TRIM14: variants seen among roughly 807,000 people sequenced by gnomAD.
The protein encoded by TRIM14 is tripartite motif-containing protein 14.
In TRIM14, 28 loss-of-function variants were observed where a neutral mutation model predicts 44.5. That is an observed-to-expected ratio of 0.63 (90% confidence interval 0.47 to 0.86). The LOEUF (loss-of-function observed/expected upper bound fraction) is 0.86. TRIM14 is among the 40% of genes least tolerant of loss of function. The pLI is 0.00. For missense variants in TRIM14, 607 were observed against 611.1 expected (o/e 0.99, Z 0.07); for synonymous variants, 299 against 269.2 (o/e 1.11, Z -1.08).
At chr9:98,084,080 C>T (rs1010671859), downstream of TRIM14, among the ~76,000 whole-genome samples, 2 of 152,138 alleles carry the variant, frequency 1.3e-5, no homozygotes, top group African/African-American at 4.8e-5. Flanking sequence ...GCAACATGAA[C>T]TGGAGGGAGC....
chr9:98,090,523 A>G (rs1193499036), intron 5 of TRIM14, among the ~76,000 whole-genome samples: 1 of 149,030 alleles, frequency 6.7e-6, no homozygotes, highest in Non-Finnish European at 1.5e-5. Flanking sequence ...TTAAAAAATC[A>G]TTGAGCTGAT....
chr9:98,098,313 G>A (rs1202899760), intron 3 of TRIM14, among the ~76,000 whole-genome samples: 1 of 152,174 alleles, frequency 6.6e-6, no homozygotes, highest in African/African-American at 2.4e-5. Context: ...AGGCAAAGAA[G>A]GAAACAGGAG....
downstream of TRIM14, among the ~76,000 whole-genome samples, chr9:98,083,705 C>T (rs75647162): frequency 2.0e-5 from 3 of 152,354 alleles, no homozygotes; most frequent in East Asian, 5.8e-4. Flanking sequence ...AGAGAACTTC[C>T]ATTCAGATGG....
At chr9:98,083,210 G>C, downstream of TRIM14, 4 of 707,762 alleles carry the variant, frequency 5.7e-6, no homozygotes, top group South Asian at 7.5e-5. Flanking sequence ...GCTAGGCCCT[G>C]TGTCAGCCCA....
Position 98,119,047 on chromosome 9 carries a change from G to C in TRIM14, c.142C>G (p.Pro48Ala). ...RCRRCVCALC[P>A]VLGAHRGHPV... ...TGGCCACGGTGCGCGCCCAGCACCG[G>C]GCAAAGCGCGCACACGCAGCGGCGG... Residue 48 changes from proline to alanine, a missense_variant, in exon 1 of 6, where the codon CCG (proline) becomes GCG (alanine). Transcript: ENST00000341469. 1 of 1,578,954 alleles carries C rather than the reference G, an allele frequency of 6.3e-7. No homozygotes were observed. Among genetic ancestry groups the C allele is most frequent in the Non-Finnish European group, 8.5e-7 (1 of 1,172,176 alleles).
At chr9:98,113,250 T>C (rs1008021816) in intron 1 of TRIM14, among the ~76,000 whole-genome samples, 1 of 152,150 alleles carries the variant, frequency 6.6e-6, no homozygotes, top group Non-Finnish European at 1.5e-5. Flanking sequence ...TATCAGAGCA[T>C]TGATCTGCTC....
chr9:98,112,650 T>C (rs1826892861), intron 1 of TRIM14, among the ~76,000 whole-genome samples: 1 of 150,680 alleles, frequency 6.6e-6, no homozygotes. Flanking sequence ...AATACAAAAA[T>C]TAGCCAGGTG....
downstream of TRIM14, chr9:98,080,976 A>G: frequency 3.1e-6 from 5 of 1,614,156 alleles, no homozygotes; most frequent in Non-Finnish European, 4.2e-6. Context: ...GCCTCGCTGG[A>G]GCCTGGAGAA....
chr9:98,082,719 G>A (rs767790784), downstream of TRIM14: 21 of 758,322 alleles, frequency 2.8e-5, no homozygotes, highest in African/African-American at 5.2e-5. Flanking sequence ...CAGTGTAGGG[G>A]GCAACAGAGT....
At chr9:98,037,077 G>T in the TRIM14 span, among the ~76,000 whole-genome samples, 2 of 151,898 alleles carry the variant, frequency 1.3e-5, no homozygotes, top group African/African-American at 4.8e-5. Flanking sequence ...CATAAAGGGT[G>T]AGAAGTGGGC....
In TRIM14 at chr9:98,087,631, G is replaced by C. The variant is rs773217259; in HGVS notation, c.1168C>G (p.Arg390Gly). 6.2e-7 allele frequency: 1 copy of C among 1,604,794 alleles called. No individual in the cohort carries two copies. Among genetic ancestry groups the C allele is most frequent in the Non-Finnish European group, 8.5e-7 (1 of 1,178,492 alleles). Residue 390 changes from arginine to glycine, a missense_variant, in exon 6 of 6, where the codon CGG becomes GGG. This residue lies in a region of TRIM14 where 356 missense variants were observed against 323.0 expected (regional missense o/e 1.10). Transcript: ENST00000341469. ...SRLRPRDDLD[R>G]LGVFLDYEAG... is the part of the protein sequence containing the mutation. ...TCGTAGTCCAGGAAGACGCCGAGCC[G>C]GTCGAGGTCGTCGCGGGGCCGCAGG... is the stretch of plus-strand genomic sequence containing the variant.
chr9:98,102,659 G>A (rs975541814), intron 2 of TRIM14, among the ~76,000 whole-genome samples: 1 of 152,144 alleles, frequency 6.6e-6, no homozygotes, highest in African/African-American at 2.4e-5. Context: ...AAGTAGAGTC[G>A]ACGTTACCAA....
At position 98,085,451 on chromosome 9, in the gene TRIM14, T is replaced by G. The variant is rs1228541062; in HGVS notation, c.*2019A>C. 1 of 152,212 alleles carries G rather than the reference T, an allele frequency of 6.6e-6. No homozygotes were observed. The highest frequency in any genetic ancestry group is 1.5e-5 in the Non-Finnish European group (1 of 68,044). 9.4% of individuals were successfully genotyped at this position (152,212 alleles called of 1,614,324 possible). A position where few individuals can be genotyped will look rare whatever the true frequency, so the allele number is the denominator to read the frequency against. On this transcript the variant is annotated 3_prime_UTR_variant, in exon 6 of 6. Transcript: ENST00000341469. ...ATCAGATGAGTTTAGTCGTAAAGCA[T>G]TAAAACAGTGCATTATAAACTATTA... is the stretch of plus-strand genomic sequence containing the variant.
At position 98,087,564 on chromosome 9, in the gene TRIM14, C is replaced by T; in HGVS notation, c.1235G>A (p.Ser412Asn). 1 of 1,596,442 alleles carries T rather than the reference C, an allele frequency of 6.3e-7. No homozygotes were observed. The highest frequency in any genetic ancestry group is 8.5e-7 in the Non-Finnish European group (1 of 1,173,938). ...LAFYDVTGGM[S>N]HLHTFRATFQ... ...CGTGGCGCGGAAGGTATGCAGGTGG[C>T]TCATGCCGCCCGTCACGTCGTAGAA... The change falls in exon 6 of 6, where the codon AGC becomes AAC. Residue 412 changes from serine (S) to asparagine (N), a missense_variant. Physicochemically the swap from Ser to Asn is conservative, Grantham distance 46. Coordinates refer to ENST00000341469, the MANE Select transcript of TRIM14 (RefSeq NM_014788.4).
At chr9:98,074,715 C>G (rs1829502741) in intron 6 of TRIM14, 1 of 152,128 alleles carries the variant, frequency 6.6e-6, no homozygotes, top group Admixed American at 6.6e-5. Flanking sequence ...TTTTTCTGCA[C>G]TTGTCCCCCC....
At chr9:98,056,491 G>C in the TRIM14 span, among the ~76,000 whole-genome samples, 33 of 151,820 alleles carry the variant, frequency 2.2e-4, no homozygotes, top group Non-Finnish European at 3.8e-4. Context: ...TTGCTCCTGG[G>C]TGCACGCACG....
At chr9:98,081,551 G>A (rs549834502), downstream of TRIM14, 1 of 159,196 alleles carries the variant, frequency 6.3e-6, no homozygotes, top group South Asian at 1.8e-4. Context: ...TCGTTGCAGA[G>A]GTGGGTGGGT....
the TRIM14 span, among the ~76,000 whole-genome samples, chr9:98,047,730 T>C: frequency 6.6e-6 from 1 of 152,084 alleles, no homozygotes; most frequent in African/African-American, 2.4e-5. Flanking sequence ...CTCAGCTCTT[T>C]GCATGTTCGG....
intron 2 of TRIM14, among the ~76,000 whole-genome samples, 169 bp from the exon 3 acceptor site, chr9:98,100,333 C>T (rs906055463): frequency 7.9e-5 from 12 of 152,068 alleles, no homozygotes; most frequent in Admixed American, 2.6e-4. Flanking sequence ...AGCCCATCAC[C>T]GATCGTAAAA....
Sources: gnomAD v4.1 joint callset for allele counts (sites outside exome capture counted in the v4.1 genomes callset) on GRCh38, gnomAD v4.1.1 for gene constraint, gnomAD v4.1.1 regional missense constraint, MANE v1.5 for transcripts, NCBI Gene and HGNC (gene_info 2026-07-23, HGNC 2026-07-21) for gene names.